Variants in ADGRG4 observed in about 807,000 individuals in gnomAD.
The protein encoded by ADGRG4 is adhesion G protein-coupled receptor G4.
A neutral mutation model predicts 126.2 loss-of-function variants in ADGRG4; 122 were observed. That is an observed-to-expected ratio of 0.97 (90% CI 0.83 to 1.12). The LOEUF (loss-of-function observed/expected upper bound fraction) is 1.12. ADGRG4 is among the 50% of genes most tolerant of loss of function. The pLI, the probability that ADGRG4 is intolerant of heterozygous loss-of-function variation, is 0.00. For missense variants in ADGRG4, 2,481 were observed against 2,251.8 expected (o/e 1.10, Z -2.06); for synonymous variants, 943 against 838.7 (o/e 1.12, Z -2.15).
At chrX:136,389,190 T>C (rs1454172772) in intron 16 of ADGRG4, among the ~76,000 whole-genome samples, 1 of 111,994 alleles carries the variant, frequency 8.9e-6, no homozygotes, top group Non-Finnish European at 1.9e-5. Flanking sequence ...CCAGGGTGGC[T>C]GCCTGGAGTA....
intron 18 of ADGRG4, among the ~76,000 whole-genome samples, chrX:136,393,936 A>G (rs1239574170): frequency 1.8e-5 from 2 of 111,908 alleles, no homozygotes; most frequent in Admixed American, 9.5e-5. Flanking sequence ...ACTCGAGGGT[A>G]AGCAAAGTTG....
At chrX:136,360,568 C>T (rs1012205616) in intron 11 of ADGRG4, among the ~76,000 whole-genome samples, 7 of 110,909 alleles carry the variant, frequency 6.3e-5, no homozygotes, top group South Asian at 3.8e-4. Flanking sequence ...CAAAGCAAGA[C>T]GCTGTCTCTA....
At chrX:136,331,818 ATT>A (rs781588407) in intron 5 of ADGRG4, among the ~76,000 whole-genome samples, 7 of 96,575 alleles carry the variant, frequency 7.2e-5, no homozygotes, top group Admixed American at 1.1e-4. Flanking sequence ...ATATATTCTA[ATT>A]TTTTTTTTTT....
chrX:136,349,354 G>A lies in ADGRG4; in HGVS notation c.5648G>A (p.Trp1883Ter). The change falls in exon 6 of 26, where the codon TGG becomes TAG. Residue 1883 changes from tryptophan (W) to a stop codon, truncating the protein, a stop_gained. Coordinates refer to ENST00000394143, the MANE Select transcript of ADGRG4 (RefSeq NM_153834.4). LOFTEE classifies it high-confidence loss of function. The part of the protein sequence containing the change: ...SNTQPLLMTS[W>*]NIPTAEGSQF... ...ACCCAACCTCTGCTTATGACTTCCT[G>A]GAACATACCCACAGCTGAAGGTTCT... 1 of 1,207,752 alleles carries A rather than the reference G, an allele frequency of 8.3e-7. No homozygotes were observed. Among genetic ancestry groups the A allele is most frequent in the Non-Finnish European group, 1.1e-6 (1 of 892,336 alleles).
rs192509417 is a variant in ADGRG4, at chrX:136,336,575, G to T, written c.686-7817G>T. On this transcript the variant is annotated intron_variant, in intron 5 of 25. Transcript: ENST00000394143. ...CACCATGTCTTCCTGGTGAAGCAATGCATTTATTATTATGTAGTGTCCTTT... is the reference window on the plus strand; with the variant it reads ...CACCATGTCTTCCTGGTGAAGCAATTCATTTATTATTATGTAGTGTCCTTT... Among the ~76,000 whole-genome samples the T allele has an allele frequency of 2.7e-5, 3 of 111,641 alleles. No individual in the cohort carries two copies. In the Admixed American group the frequency reaches 2.8e-4, roughly 11 times the overall value.
chrX:136,391,725 G>A (rs2075320614), intron 16 of ADGRG4, among the ~76,000 whole-genome samples: 1 of 112,406 alleles, frequency 8.9e-6, no homozygotes, highest in Non-Finnish European at 1.9e-5. Flanking sequence ...CTAAGAAGGC[G>A]ATGACTGTCC....
intron 4 of ADGRG4, among the ~76,000 whole-genome samples, chrX:136,320,201 C>T (rs191184512): frequency 1.1e-3 from 123 of 111,879 alleles, no homozygotes; most frequent in African/African-American, 3.9e-3. Context: ...CATACAGGTT[C>T]GTCAATTGTT....
In ADGRG4 at chrX:136,359,415, G is replaced by A. The variant is rs377356114; in HGVS notation, c.7104G>A (p.Thr2368=). ...THGNFTQDQL[T]LLVNCEHVAV... is the part of the protein sequence containing the mutation. Reference sequence around the variant, plus strand: ...GAAACTTCACACAAGATCAATTGACGTTATTAGTAAACTGTGAACACGTTG... The same window carrying A: ...GAAACTTCACACAAGATCAATTGACATTATTAGTAAACTGTGAACACGTTG... The change falls in exon 11 of 26, where the codon ACG becomes ACA. Residue 2368 remains threonine (T), a synonymous_variant. Transcript: ENST00000394143. The A allele has an allele frequency of 7.5e-6, 9 of 1,205,826 alleles. No individual in the cohort carries two copies. In the South Asian group the frequency reaches 9.0e-5, roughly 12 times the overall value.
intron 17 of ADGRG4, among the ~76,000 whole-genome samples, chrX:136,392,921 T>C (rs1278197938): frequency 8.9e-6 from 1 of 111,876 alleles, no homozygotes; most frequent in Non-Finnish European, 1.9e-5. Flanking sequence ...TTTTCACTGG[T>C]CTTGATTCTA....
intron 13 of ADGRG4, among the ~76,000 whole-genome samples, chrX:136,368,225 A>C (rs1347678815): frequency 2.7e-5 from 3 of 112,494 alleles, no homozygotes; most frequent in African/African-American, 9.7e-5. Context: ...TTCTTACTCT[A>C]TATAAAGGAG....
At position 136,350,313 on chromosome X, in the gene ADGRG4, C is replaced by T; in HGVS notation, c.6607C>T (p.Pro2203Ser). Residue 2203 changes from proline to serine, a missense_variant, in exon 6 of 26, where the codon CCT becomes TCT. Transcript: ENST00000394143. ...ACTCATATCCACTGGGGTGACATAT[C>T]CTTTTACAGCAACTGTGTCTTCACC... ...FPLISTGVTY[P>S]FTATVSSPIS... 8.3e-7 allele frequency: 1 copy of T among 1,210,335 alleles called. No individual in the cohort carries two copies. Among genetic ancestry groups the T allele is most frequent in the Non-Finnish European group, 1.1e-6 (1 of 894,287 alleles).
intron 4 of ADGRG4, among the ~76,000 whole-genome samples, chrX:136,311,499 T>A (rs2074771178): frequency 9.1e-6 from 1 of 110,464 alleles, no homozygotes; most frequent in African/African-American, 3.3e-5. Context: ...TGGAGCATTC[T>A]TGAGGCAGGA....
chrX:136,323,496 G>C, intron 5 of ADGRG4, 104 bp downstream of exon 5: 1 of 651,086 alleles, frequency 1.5e-6, no homozygotes, highest in Admixed American at 3.3e-5. Flanking sequence ...ACTTTTTAAT[G>C]AGGAGCACAT....
At chrX:136,337,135 T>A (rs2074952735) in intron 5 of ADGRG4, among the ~76,000 whole-genome samples, 1 of 111,332 alleles carries the variant, frequency 9.0e-6, no homozygotes, top group Non-Finnish European at 1.9e-5. Context: ...CAGTTATTTT[T>A]AAAAAAATTT....
rs368923598 is a variant in ADGRG4 at position 136,341,111 on chromosome X, C to A, written c.686-3281C>A. On this transcript the variant is annotated intron_variant, in intron 5 of 25. Transcript: ENST00000394143. Reference sequence around the variant, plus strand: ...TATCTTTCTAAATCTTATATTCCTTCTTGAGATGCTTACTGGAAGTGTTAA... The same window carrying A: ...TATCTTTCTAAATCTTATATTCCTTATTGAGATGCTTACTGGAAGTGTTAA... 2.5e-4 allele frequency among the ~76,000 whole-genome samples: 28 copies of A among 111,733 alleles called. No homozygotes were observed. The East Asian group carries it at 3.7e-3, about 15-fold the overall frequency.
chrX:136,372,466 T>C (rs1394273612), intron 14 of ADGRG4, among the ~76,000 whole-genome samples: 2 of 111,721 alleles, frequency 1.8e-5, no homozygotes, highest in Non-Finnish European at 3.8e-5. Context: ...AGTAATCTTT[T>C]AATGTATATA....
rs2075055657 is a variant in ADGRG4 at position 136,350,534 on chromosome X, G to A, written c.6727+101G>A. 42 of 812,007 alleles carry A rather than the reference G, an allele frequency of 5.2e-5. No homozygotes were observed. In the South Asian group the frequency reaches 1.0e-3, roughly 20 times the overall value. 66.9% of individuals were successfully genotyped at this position (812,007 alleles called of 1,213,427 possible). The stretch of plus-strand genomic sequence containing the variant: ...CCGTTCTTGGAAGGCAGAAAAGAAT[G>A]AAGAAGGGTGCAGGTGTTTCTTGTC... On this transcript the variant is annotated intron_variant, in intron 6 of 25. Transcript: ENST00000394143.
intron 21 of ADGRG4, among the ~76,000 whole-genome samples, chrX:136,400,616 G>C (rs781518057): frequency 5.4e-5 from 6 of 112,120 alleles, no homozygotes; most frequent in African/African-American, 1.9e-4. Flanking sequence ...AAGAGAGCTG[G>C]GATTTGAGCC....
chrX:136,318,543 T>C (rs1486361739), intron 4 of ADGRG4, among the ~76,000 whole-genome samples: 3 of 112,180 alleles, frequency 2.7e-5, no homozygotes, highest in Non-Finnish European at 1.9e-5. Flanking sequence ...TTTTATGTTA[T>C]ATGAAATTTC....
Sources: gnomAD v4.1 joint callset for allele counts (sites outside exome capture counted in the v4.1 genomes callset) on GRCh38, gnomAD v4.1.1 for gene constraint, MANE v1.5 for transcripts, NCBI Gene and HGNC (gene_info 2026-07-23, HGNC 2026-07-21) for gene names.